USP6: variants seen among roughly 807,000 people sequenced by gnomAD.
The protein encoded by USP6 is ubiquitin carboxyl-terminal hydrolase 6.
Under a neutral mutation model 175.7 loss-of-function variants are expected in USP6, and 128 were observed. The observed-to-expected ratio is 0.73, with a 90% CI of 0.63 to 0.84. The LOEUF is 0.84. Ranked by LOEUF, USP6 falls within the 40% of genes least tolerant of loss-of-function variation. The pLI is 0.00. For missense variants in USP6, 1,498 were observed against 1,760.3 expected (o/e 0.85, Z 2.67); for synonymous variants, 562 against 630.6 (o/e 0.89, Z 1.63).
At chr17:5,138,873 C>T (rs1319715330) in intron 21 of USP6, 20 of 747,856 alleles carry the variant, frequency 2.7e-5, no homozygotes, top group Non-Finnish European at 3.6e-5. Flanking sequence ...CGGGCCCAGT[C>T]ACCCACTGCG....
chr17:5,143,454 C>T (rs2073513097), intron 25 of USP6, among the ~76,000 whole-genome samples: 1 of 151,840 alleles, frequency 6.6e-6, no homozygotes, highest in South Asian at 2.1e-4. Flanking sequence ...TATGACCTTA[C>T]CCCCAACCCT....
intron 31 of USP6, among the ~76,000 whole-genome samples, chr17:5,158,614 G>GGGGAGA (rs2073938861): frequency 7.6e-5 from 2 of 26,356 alleles, no homozygotes; most frequent in Non-Finnish European, 1.5e-4. Context: ...AGGGAGAGGG[G>GGGGAGA]GAGAGAGAGA....
At position 5,130,043 on chromosome 17, in the gene USP6, G is replaced by A. The variant is rs2073011242; in HGVS notation, c.-48G>A. 1.9e-5 allele frequency: 7 copies of A among 361,104 alleles called. No individual in the cohort carries two copies. Among genetic ancestry groups the A allele is most frequent in the Middle Eastern group, 8.9e-4 (1 of 1,122 alleles). The allele number at this position is 361,104 out of a possible 1,614,324, so 22.4% of individuals were successfully genotyped here. A position where few individuals can be genotyped will look rare whatever the true frequency, so the allele number is the denominator to read the frequency against. ...CACATCCCTGGAATAGACCATCACA[G>A]GCTCTTCACCCTTGGCAGGTGGACA... is the stretch of plus-strand genomic sequence containing the variant. On this transcript the variant is annotated 5_prime_UTR_variant, in exon 9 of 38. Coordinates refer to ENST00000574788, the MANE Select transcript of USP6 (RefSeq NM_001304284.2).
At position 5,139,237 on chromosome 17, in the gene USP6, C is replaced by T. The variant is rs1222886159; in HGVS notation, c.1079-18C>T. 6.3e-6 allele frequency: 10 copies of T among 1,599,276 alleles called. No homozygotes were observed. Among genetic ancestry groups the T allele is most frequent in the African/African-American group, 4.0e-5 (3 of 74,940 alleles). On this transcript the variant is annotated intron_variant, in intron 21 of 37. Coordinates refer to ENST00000574788, the MANE Select transcript of USP6 (RefSeq NM_001304284.2). ...ATGGGCTCACTGGAGATGCTGACCA[C>T]GTCTGTTTTCCTTTCAGCCAAACGC...
At chr17:5,134,681 C>G in intron 15 of USP6, 1 of 181,762 alleles carries the variant, frequency 5.5e-6, no homozygotes, top group Non-Finnish European at 1.2e-5. Context: ...GCCAGTGATG[C>G]CTGCACGAAC....
chr17:5,122,314 G>C (rs1235303940), intron 4 of USP6, among the ~76,000 whole-genome samples: 1 of 152,212 alleles, frequency 6.6e-6, no homozygotes, highest in South Asian at 2.1e-4. Flanking sequence ...TTCTGGTTCC[G>C]ATGACTGTGT....
intron 6 of USP6, chr17:5,127,128 C>G (rs2072919117): frequency 6.6e-6 from 1 of 152,368 alleles, no homozygotes; most frequent in African/African-American, 2.4e-5. Flanking sequence ...GCAAGGCCTC[C>G]CGTCCCACCC....
intron 31 of USP6, 146 bp downstream of exon 31, chr17:5,155,752 T>G: frequency 1.5e-6 from 1 of 660,204 alleles, no homozygotes; most frequent in South Asian, 6.2e-5. Context: ...TTTAAAGTAT[T>G]TATTTTAAAT....
intron 30 of USP6, 90 bp downstream of exon 30, chr17:5,148,857 A>G (rs1391580370): frequency 6.6e-7 from 1 of 1,516,120 alleles, no homozygotes; most frequent in Non-Finnish European, 8.8e-7. Flanking sequence ...CATTGAATGC[A>G]TTTTCTTCTC....
At chr17:5,148,094 G>C (rs2073661299) in intron 29 of USP6, among the ~76,000 whole-genome samples, 1 of 152,076 alleles carries the variant, frequency 6.6e-6, no homozygotes, top group Non-Finnish European at 1.5e-5. Context: ...GCCTAGGCTG[G>C]TCACTAGCTC....
At chr17:5,158,060 T>G (rs1046119600) in intron 31 of USP6, among the ~76,000 whole-genome samples, 1 of 152,318 alleles carries the variant, frequency 6.6e-6, no homozygotes, top group South Asian at 2.1e-4. Context: ...CTATTATATA[T>G]TCAAGTGTAA....
In USP6 at chr17:5,133,486, G is replaced by T. The variant is rs749545996; in HGVS notation, c.320G>T (p.Gly107Val). The change falls in exon 14 of 38, where the codon GGC (glycine) becomes GTC (valine). Residue 107 changes from glycine to valine, a missense_variant. Gly to Val is a moderately radical substitution (Grantham distance 109). This residue lies in a region of USP6 where 281 missense variants were observed against 259.6 expected (regional missense o/e 1.08). Transcript: ENST00000574788. Reference sequence around the variant, plus strand: ...AAGGGAATTCCCATGAACATCCGGGGCCCGGTGTGGTCAGTCCTCCTGAAC... The same window carrying T: ...AAGGGAATTCCCATGAACATCCGGGTCCCGGTGTGGTCAGTCCTCCTGAAC... ...VYKGIPMNIR[G>V]PVWSVLLNIQ... 2.5e-6 allele frequency: 4 copies of T among 1,611,794 alleles called. No homozygotes were observed. Among genetic ancestry groups the T allele is most frequent in the Non-Finnish European group, 3.4e-6 (4 of 1,179,722 alleles).
chr17:5,156,816 C>G (rs1413456724), intron 31 of USP6, among the ~76,000 whole-genome samples: 1 of 151,436 alleles, frequency 6.6e-6, no homozygotes, highest in East Asian at 1.9e-4. Context: ...CTGCAAACTC[C>G]GCCTCCAGGT....
rs2073441068 is a variant in USP6 at position 5,141,370 on chromosome 17, A to G, written c.1499-55A>G. 6.0e-6 allele frequency: 9 copies of G among 1,490,218 alleles called. No homozygotes were observed. The Admixed American group carries it at 1.3e-4, about 22-fold the overall frequency. The allele number at this position is 1,490,218 out of a possible 1,614,324, so 92.3% of individuals were successfully genotyped here. A position where few individuals can be genotyped will look rare whatever the true frequency, so the allele number is the denominator to read the frequency against. On this transcript the variant is annotated intron_variant, in intron 22 of 37. Transcript: ENST00000574788. The stretch of plus-strand genomic sequence containing the variant: ...TAAAAAAAAAAAACAGAAGCAATCA[A>G]GTGGGTGTAAATTAGACAGATAAGA...
chr17:5,169,238 C>T (rs566634298), intron 35 of USP6, among the ~76,000 whole-genome samples, 183 bp downstream of exon 35: 54 of 152,250 alleles, frequency 3.5e-4, no homozygotes, highest in African/African-American at 1.3e-3. Flanking sequence ...AATCTATTTC[C>T]TCATCTGTAA....
intron 30 of USP6, among the ~76,000 whole-genome samples, chr17:5,151,582 C>A (rs889806682): frequency 2.0e-5 from 3 of 151,960 alleles, no homozygotes; most frequent in African/African-American, 7.3e-5. Context: ...GGATATCATC[C>A]AGATATCAAG....
Position 5,152,306 on chromosome 17 carries a change from A to T in USP6, c.2644-3116A>T, listed in dbSNP as rs2073791488. 3.3e-5 allele frequency among the ~76,000 whole-genome samples: 5 copies of T among 152,116 alleles called. No individual in the cohort carries two copies. The South Asian group carries it at 1.0e-3, about 32-fold the overall frequency. On this transcript the variant is annotated intron_variant, in intron 30 of 37. Transcript: ENST00000574788. ...GTGAAATGTAAATTAAAACAATATTATGATATCAGTGCACTCACCTGAACA... is the reference window on the plus strand; with the variant it reads ...GTGAAATGTAAATTAAAACAATATTTTGATATCAGTGCACTCACCTGAACA...
intron 14 of USP6, 100 bp downstream of exon 14, chr17:5,133,650 G>GGGGGGGGGGC: frequency 7.2e-6 from 4 of 556,548 alleles, no homozygotes; most frequent in Non-Finnish European, 1.0e-5. Flanking sequence ...GGGGGGGTGG[G>GGGGGGGGGGC]AGGGGATGGT....
intron 30 of USP6, 63 bp from the exon 31 acceptor site, chr17:5,155,359 A>G: frequency 6.4e-7 from 1 of 1,573,194 alleles, no homozygotes; most frequent in Non-Finnish European, 8.7e-7. Context: ...CAGAGTTAGA[A>G]GAACTAAAGG....
Sources: allele counts gnomAD v4.1 joint callset (sites outside exome capture counted in the v4.1 genomes callset), GRCh38; gene constraint gnomAD v4.1.1; regional missense constraint gnomAD v4.1.1; transcripts MANE v1.5; gene names NCBI Gene and HGNC (gene_info 2026-07-23, HGNC 2026-07-21).